KANSL1: variants seen among roughly 807,000 people sequenced by gnomAD.
KANSL1 encodes MLL1/MLL complex subunit KANSL1.
Under a neutral mutation model 103.6 loss-of-function variants are expected in KANSL1, and 22 were observed. That is an observed-to-expected ratio of 0.21 (90% CI 0.15 to 0.30). The LOEUF is 0.30. Among genes scored for constraint, KANSL1 ranks in the 10% least tolerant of loss-of-function variants. The probability of loss-of-function intolerance (pLI) is 1.00; values close to 1 mark genes in which losing one functional copy is unlikely to be tolerated. For synonymous variants in KANSL1, 600 were observed against 527.6 expected, an observed-to-expected ratio of 1.14 and a Z score of -1.88; for missense variants, 1,337 against 1,399.8, an observed-to-expected ratio of 0.96 and a Z score of 0.72.
rs1180111852 is a variant in KANSL1, at chr17:46,067,614, A to C, written c.1587T>G (p.His529Gln). The C allele has an allele frequency of 6.2e-7, 1 of 1,608,384 alleles. No individual in the cohort carries two copies. Among genetic ancestry groups the C allele is most frequent in the East Asian group, 2.2e-5 (1 of 44,834 alleles). ...LENHGAPIIG[H>Q]ISESLSTKSC... Reference sequence around the variant, plus strand: ...ATTTGGTAGACAGTGACTCTGAAATATGACCAATAATAGGGGCACCATGGT... The same window carrying C: ...ATTTGGTAGACAGTGACTCTGAAATCTGACCAATAATAGGGGCACCATGGT... The change falls in exon 5 of 15, where the codon CAT (histidine) becomes CAG (glutamine). Residue 529 changes from histidine (H) to glutamine (Q), a missense_variant. Physicochemically the swap from His to Gln is conservative, Grantham distance 24. Transcript: ENST00000432791.
intron 2 of KANSL1, among the ~76,000 whole-genome samples, chr17:46,123,301 C>T (rs1333354132): frequency 6.6e-6 from 1 of 152,122 alleles, no homozygotes; most frequent in East Asian, 1.9e-4. Context: ...CACTTGAGCC[C>T]GGGAGGCAGA....
At chr17:46,197,071 G>A (rs1414457792), upstream of KANSL1, among the ~76,000 whole-genome samples, 1 of 152,012 alleles carries the variant, frequency 6.6e-6, no homozygotes, top group Admixed American at 6.6e-5. Context: ...CCATGATCAC[G>A]CCACTGCAAA....
At chr17:46,217,790 C>T (rs1446028011) in intron 1 of KANSL1, among the ~76,000 whole-genome samples, 1 of 152,082 alleles carries the variant, frequency 6.6e-6, no homozygotes, top group Non-Finnish European at 1.5e-5. Context: ...TTTGGGAGGC[C>T]AAGGCAGGCA....
At chr17:46,126,969 G>T (rs1243695771) in intron 2 of KANSL1, among the ~76,000 whole-genome samples, 2 of 152,200 alleles carry the variant, frequency 1.3e-5, no homozygotes, top group African/African-American at 4.8e-5. Flanking sequence ...AGCTAATAAA[G>T]AACAACAGAG....
intron 2 of KANSL1, among the ~76,000 whole-genome samples, chr17:46,122,011 C>T (rs917628641): frequency 3.9e-5 from 6 of 152,162 alleles, no homozygotes; most frequent in Admixed American, 6.5e-5. Flanking sequence ...GTGAAAACAA[C>T]GGCTGTGGGT....
chr17:46,067,704 C>A, intron 4 of KANSL1, 37 bp from the exon 5 acceptor site: 1 of 1,026,880 alleles, frequency 9.7e-7, no homozygotes, highest in Middle Eastern at 2.0e-4. Context: ...TTAACATGTA[C>A]CCAAGCGCAC....
At chr17:46,119,892 C>T (rs1231750026) in intron 2 of KANSL1, 3 of 152,240 alleles carry the variant, frequency 2.0e-5, no homozygotes, top group Admixed American at 6.5e-5. Flanking sequence ...TTACACCCAA[C>T]GGTGCTCCTC....
At chr17:46,219,199 G>A (rs1156458374) in intron 1 of KANSL1, among the ~76,000 whole-genome samples, 2 of 151,566 alleles carry the variant, frequency 1.3e-5, no homozygotes, top group Non-Finnish European at 2.9e-5. Flanking sequence ...AGGAAGTGGA[G>A]GTTGCAGTGA....
intron 1 of KANSL1, among the ~76,000 whole-genome samples, chr17:46,202,351 CA>C: frequency 6.6e-6 from 1 of 152,284 alleles, no homozygotes; most frequent in South Asian, 2.1e-4. Context: ...TGGTCCCAAG[CA>C]TTTCGGATAA....
At chr17:46,132,731 T>C (rs1207787736) in intron 2 of KANSL1, among the ~76,000 whole-genome samples, 1 of 152,196 alleles carries the variant, frequency 6.6e-6, no homozygotes, top group East Asian at 1.9e-4. Flanking sequence ...GAGAACCACT[T>C]GAGTCCAGGA....
intron 1 of KANSL1, among the ~76,000 whole-genome samples, chr17:46,211,866 G>T (rs2732631): frequency 0.14 from 21,957 of 152,158 alleles, 2,134 homozygotes; most frequent in Non-Finnish European, 0.22. Flanking sequence ...GATAAATGTA[G>T]GTATATTAGG....
chr17:46,043,176 A>T (rs976279835), intron 7 of KANSL1: 32 of 152,222 alleles, frequency 2.1e-4, no homozygotes, highest in African/African-American at 7.2e-4. Context: ...TTGTCAGCAG[A>T]AGAGTTACTC....
At chr17:46,217,366 C>T (rs1200307949) in intron 1 of KANSL1, among the ~76,000 whole-genome samples, 1 of 151,780 alleles carries the variant, frequency 6.6e-6, no homozygotes, top group African/African-American at 2.4e-5. Flanking sequence ...ACTCCAGCTA[C>T]TTGGAAGGCT....
intron 6 of KANSL1, among the ~76,000 whole-genome samples, chr17:46,066,095 C>A (rs2078366104): frequency 6.6e-6 from 1 of 152,154 alleles, no homozygotes; most frequent in African/African-American, 2.4e-5. Context: ...TAGGCTCAAG[C>A]AATCCTCCCG....
At position 46,033,045 on chromosome 17, in the gene KANSL1, C is replaced by T. The variant is rs781636039; in HGVS notation, c.2837+35G>A. The T allele has an allele frequency of 1.7e-5, 26 of 1,511,432 alleles. No individual in the cohort carries two copies. In the Admixed American group the frequency reaches 5.1e-4, roughly 30 times the overall value. 93.6% of individuals were successfully genotyped at this position (1,511,432 alleles called of 1,614,324 possible). A position where few individuals can be genotyped will look rare whatever the true frequency, so the allele number is the denominator to read the frequency against. ...CCCAAACTCCCTGTCCACCCTCTCTCCACAGGCCCTGGGGACCCAAGCCTG... is the reference window on the plus strand; with the variant it reads ...CCCAAACTCCCTGTCCACCCTCTCTTCACAGGCCCTGGGGACCCAAGCCTG... On this transcript the variant is annotated intron_variant, in intron 13 of 14. Transcript: ENST00000432791.
At chr17:46,134,847 A>G (rs1244831150) in intron 2 of KANSL1, among the ~76,000 whole-genome samples, 1 of 151,122 alleles carries the variant, frequency 6.6e-6, no homozygotes, top group Non-Finnish European at 1.5e-5. Context: ...TCGGTCTCCA[A>G]AAAAAAAAGG....
chr17:46,157,870 G>C (rs568588519), intron 2 of KANSL1, among the ~76,000 whole-genome samples: 2 of 152,226 alleles, frequency 1.3e-5, no homozygotes, highest in Non-Finnish European at 2.9e-5. Context: ...AATTCACTAC[G>C]CACAGGGTGT....
intron 2 of KANSL1, among the ~76,000 whole-genome samples, chr17:46,132,343 A>G (rs2043905325): frequency 6.6e-6 from 1 of 152,256 alleles, no homozygotes; most frequent in South Asian, 2.1e-4. Context: ...TGCGCTTTGC[A>G]CAATGCCTGG....
At chr17:46,109,861 C>T (rs2042729332) in intron 2 of KANSL1, among the ~76,000 whole-genome samples, 2 of 152,212 alleles carry the variant, frequency 1.3e-5, no homozygotes, top group African/African-American at 4.8e-5. Context: ...AAAACGTATA[C>T]TCCTTAAACA....
Sources: allele counts gnomAD v4.1 joint callset (sites outside exome capture counted in the v4.1 genomes callset), GRCh38; gene constraint gnomAD v4.1.1; transcripts MANE v1.5; gene names NCBI Gene and HGNC (gene_info 2026-07-23, HGNC 2026-07-21).